Variants in CACNA2D3 observed in about 807,000 individuals in gnomAD.
The protein encoded by CACNA2D3 is voltage-dependent calcium channel subunit alpha-2/delta-3.
CACNA2D3 carries 60 observed loss-of-function variants against 160.6 expected under a neutral mutation model. The observed-to-expected ratio is 0.37, with a 90% CI of 0.30 to 0.46. The LOEUF (loss-of-function observed/expected upper bound fraction) is 0.46, where lower values mean the gene tolerates loss of function less well. Among genes scored for constraint, CACNA2D3 ranks in the 20% least tolerant of loss-of-function variants. The pLI is 1.00. For missense variants in CACNA2D3, 1,205 were observed against 1,365.0 expected (o/e 0.88, Z 1.85); for synonymous variants, 558 against 492.9 (o/e 1.13, Z -1.75).
rs553513120 is a variant in CACNA2D3 at position 54,192,322 on chromosome 3, C to T, written c.204+68728C>T. Among the ~76,000 whole-genome samples, 16 of 152,234 alleles carry T rather than the reference C, an allele frequency of 1.1e-4. No homozygotes were observed. In the South Asian group the frequency reaches 2.1e-3, roughly 20 times the overall value. The stretch of plus-strand genomic sequence containing the variant: ...AAGGGGAAGTGCTTGCAGTTACAAA[C>T]GGAGCTTGCCTTTCCTTCTGCAAAC... On this transcript the variant is annotated intron_variant, in intron 2 of 37. Transcript: ENST00000474759.
At chr3:54,416,968 G>A (rs573955212) in intron 4 of CACNA2D3, among the ~76,000 whole-genome samples, 48 of 152,230 alleles carry the variant, frequency 3.2e-4, no homozygotes, top group African/African-American at 1.0e-3. Context: ...GTGTCCACCC[G>A]TCTCCACAGT....
intron 9 of CACNA2D3, among the ~76,000 whole-genome samples, chr3:54,589,085 T>C (rs920474713): frequency 6.6e-6 from 1 of 151,962 alleles, no homozygotes; most frequent in African/African-American, 2.4e-5. Flanking sequence ...TAAAGAAGAA[T>C]GAAGTAGAAG....
At chr3:54,863,588 C>T (rs1036465955) in intron 17 of CACNA2D3, among the ~76,000 whole-genome samples, 2 of 152,098 alleles carry the variant, frequency 1.3e-5, no homozygotes, top group Non-Finnish European at 2.9e-5. Flanking sequence ...GTTTGACCTA[C>T]AAAAACGGTG....
chr3:55,038,016 A>G (rs1703868426), intron 35 of CACNA2D3, among the ~76,000 whole-genome samples: 1 of 152,114 alleles, frequency 6.6e-6, no homozygotes. Flanking sequence ...AAGTCACTGT[A>G]TTTTCCTAAC....
intron 4 of CACNA2D3, among the ~76,000 whole-genome samples, chr3:54,400,707 C>A (rs571053628): frequency 4.6e-4 from 70 of 152,276 alleles, no homozygotes; most frequent in African/African-American, 1.6e-3. Context: ...TCACCATGCC[C>A]TACCAAATTG....
chr3:54,996,699 A>G (rs896045784), intron 31 of CACNA2D3, among the ~76,000 whole-genome samples: 1 of 152,208 alleles, frequency 6.6e-6, no homozygotes, highest in Non-Finnish European at 1.5e-5. Context: ...GAGTCAAGGA[A>G]GTACCCCTGA....
chr3:54,767,478 G>A (rs1184055746), intron 13 of CACNA2D3, among the ~76,000 whole-genome samples: 1 of 152,058 alleles, frequency 6.6e-6, no homozygotes, highest in Non-Finnish European at 1.5e-5. Context: ...GAAGACAGGG[G>A]ATCTGCCTAT....
chr3:54,667,983 T>A (rs923303367), intron 11 of CACNA2D3, among the ~76,000 whole-genome samples: 1 of 151,938 alleles, frequency 6.6e-6, no homozygotes, highest in Non-Finnish European at 1.5e-5. Context: ...TATTTTTATA[T>A]TAGAATTTTA....
At chr3:54,898,210 T>C (rs1700241784) in intron 26 of CACNA2D3, among the ~76,000 whole-genome samples, 1 of 147,318 alleles carries the variant, frequency 6.8e-6, no homozygotes. Context: ...TCTCTCTCTC[T>C]TCTCCGCCCC....
At chr3:54,940,720 C>T (rs886375618) in intron 27 of CACNA2D3, among the ~76,000 whole-genome samples, 13 of 152,108 alleles carry the variant, frequency 8.5e-5, no homozygotes, top group Admixed American at 2.0e-4. Context: ...GTACTCTGGA[C>T]GTTCCTTTTG....
chr3:54,270,507 T>G (rs1702601066), intron 2 of CACNA2D3, among the ~76,000 whole-genome samples: 1 of 152,220 alleles, frequency 6.6e-6, no homozygotes, highest in Admixed American at 6.5e-5. Flanking sequence ...GGAGACCCAT[T>G]TCAGCTGCTG....
chr3:54,867,688 C>T (rs1575519790), intron 17 of CACNA2D3, among the ~76,000 whole-genome samples: 1 of 152,220 alleles, frequency 6.6e-6, no homozygotes, highest in African/African-American at 2.4e-5. Context: ...CCTGCACTGG[C>T]TTCATGCCCA....
chr3:54,369,268 C>A (rs1698881113), intron 3 of CACNA2D3, among the ~76,000 whole-genome samples: 1 of 150,322 alleles, frequency 6.7e-6, no homozygotes. Context: ...ATGACACAAA[C>A]CTTAAAAAAA....
intron 27 of CACNA2D3, among the ~76,000 whole-genome samples, chr3:54,911,482 C>T (rs1449414766): frequency 6.6e-6 from 1 of 150,720 alleles, no homozygotes; most frequent in Non-Finnish European, 1.5e-5. Context: ...GCATGTACCC[C>T]TGTGCCTGGC....
At chr3:54,507,681 A>G (rs561449822) in intron 5 of CACNA2D3, among the ~76,000 whole-genome samples, 2 of 152,318 alleles carry the variant, frequency 1.3e-5, no homozygotes, top group South Asian at 4.1e-4. Context: ...TCTTCAGGAA[A>G]GCTAAAGAAT....
At chr3:54,919,782 T>C (rs1231044823) in intron 27 of CACNA2D3, among the ~76,000 whole-genome samples, 10 of 152,240 alleles carry the variant, frequency 6.6e-5, no homozygotes, top group Non-Finnish European at 1.5e-4. Context: ...AAAGCACTGT[T>C]AGATAAGTCC....
chr3:54,541,048 TG>T (rs1701965404), intron 5 of CACNA2D3, among the ~76,000 whole-genome samples: 1 of 151,616 alleles, frequency 6.6e-6, no homozygotes, highest in Non-Finnish European at 1.5e-5. Flanking sequence ...GAGGCCAAGG[TG>T]GGCAGATCAC....
rs118004755 is a variant in CACNA2D3, at chr3:54,324,766, T to A, written c.321+4208T>A. On this transcript the variant is annotated intron_variant, in intron 3 of 37. Transcript: ENST00000474759. Reference sequence around the variant, plus strand: ...CCCTACGAATGGACAAGAAATGGAGTCCATTTGCTTTTAGTTCATTAACAT... The same window carrying A: ...CCCTACGAATGGACAAGAAATGGAGACCATTTGCTTTTAGTTCATTAACAT... Among the ~76,000 whole-genome samples, 715 of 152,130 alleles carry A rather than the reference T, an allele frequency of 4.7e-3. 23 individuals carry two copies. In the East Asian group the frequency reaches 0.083, roughly 18 times the overall value.
At chr3:54,833,025 C>T (rs982442225) in intron 14 of CACNA2D3, among the ~76,000 whole-genome samples, 9 of 152,122 alleles carry the variant, frequency 5.9e-5, no homozygotes, top group Non-Finnish European at 1.0e-4. Context: ...GGCATGGCCA[C>T]GTGGACCTTG....
Sources: gnomAD v4.1 joint callset for allele counts (sites outside exome capture counted in the v4.1 genomes callset) on GRCh38, gnomAD v4.1.1 for gene constraint, MANE v1.5 for transcripts, NCBI Gene and HGNC (gene_info 2026-07-23, HGNC 2026-07-21) for gene names.